RP1: variants seen among roughly 807,000 people sequenced by gnomAD.
The protein encoded by RP1 is RP1 axonemal microtubule associated.
RP1 carries 16 observed loss-of-function variants against 14.8 expected under a neutral mutation model. That is an observed-to-expected ratio of 1.08 (90% confidence interval 0.73 to 1.65). The LOEUF is 1.65. Among genes scored for constraint, RP1 ranks in the 40% most tolerant of loss-of-function variants. RP1 has a pLI of 0.00. For synonymous variants in RP1, 876 were observed against 883.6 expected, an observed-to-expected ratio of 0.99 and a Z score of 0.15; for missense variants, 2,631 against 2,535.0, an observed-to-expected ratio of 1.04 and a Z score of -0.81.
intron 23 of RP1, among the ~76,000 whole-genome samples, chr8:54,778,381 G>T (rs1414412931): frequency 6.8e-6 from 1 of 146,008 alleles, no homozygotes; most frequent in Non-Finnish European, 1.5e-5. Context: ...CTGGAGTGCA[G>T]TGACATGATC....
chr8:54,748,806 G>A (rs562006697), intron 19 of RP1, among the ~76,000 whole-genome samples: 20 of 152,250 alleles, frequency 1.3e-4, no homozygotes, highest in Admixed American at 1.3e-3. Context: ...TTCAGAAAAA[G>A]CTTTGTGTAT....
intron 15 of RP1, among the ~76,000 whole-genome samples, chr8:54,719,110 C>A (rs566287890): frequency 3.3e-5 from 5 of 152,262 alleles, no homozygotes; most frequent in African/African-American, 1.2e-4. Flanking sequence ...CTGTATTGTT[C>A]AGCATCATTA....
downstream of RP1, among the ~76,000 whole-genome samples, chr8:54,773,806 C>G (rs1809969448): frequency 6.6e-6 from 1 of 152,148 alleles, no homozygotes. Context: ...CCTACATGCA[C>G]TCAGGGATTT....
chr8:54,837,508 G>C (rs1811688466), exon 25 of RP1: 1 of 1,231,796 alleles, frequency 8.1e-7, no homozygotes, highest in African/African-American at 1.6e-5. Context: ...GACAACACTG[G>C]AAAGAATCCC....
chr8:54,589,102 C>G (rs1465047597), intron 1 of RP1, among the ~76,000 whole-genome samples: 2 of 152,120 alleles, frequency 1.3e-5, no homozygotes, highest in Admixed American at 1.3e-4. Flanking sequence ...GGATCAGACT[C>G]CAGGGACTGG....
At chr8:54,852,455 T>C in intron 25 of RP1, 1 of 640,052 alleles carries the variant, frequency 1.6e-6, no homozygotes. Flanking sequence ...GAAAAAGAGT[T>C]GGGGCCAAGT....
chr8:54,703,530 A>G (rs1010491372), intron 14 of RP1, among the ~76,000 whole-genome samples: 1 of 152,128 alleles, frequency 6.6e-6, no homozygotes, highest in Admixed American at 6.6e-5. Context: ...GGTAGAGTAG[A>G]TTTAGTATAA....
chr8:54,812,515 A>T (rs910781330), intron 24 of RP1, among the ~76,000 whole-genome samples: 1 of 152,188 alleles, frequency 6.6e-6, no homozygotes, highest in Non-Finnish European at 1.5e-5. Context: ...TAATATATAG[A>T]CTCAGTTCAG....
chr8:54,781,474 A>G (rs1039199580), intron 23 of RP1, among the ~76,000 whole-genome samples: 7 of 152,216 alleles, frequency 4.6e-5, no homozygotes, highest in Non-Finnish European at 1.0e-4. Flanking sequence ...TTTTTTGGCG[A>G]AAAAAGTTTT....
At chr8:54,800,914 G>A (rs1430555275) in intron 24 of RP1, among the ~76,000 whole-genome samples, 1 of 152,148 alleles carries the variant, frequency 6.6e-6, no homozygotes, top group African/African-American at 2.4e-5. Flanking sequence ...AGCCTTGTAG[G>A]TTTTGTTGTT....
At chr8:54,780,749 T>C (rs1334168965) in intron 23 of RP1, among the ~76,000 whole-genome samples, 1 of 152,154 alleles carries the variant, frequency 6.6e-6, no homozygotes, top group African/African-American at 2.4e-5. Flanking sequence ...TACTACACCA[T>C]TGTATATCAG....
chr8:54,607,697 T>C (rs1325256845), intron 1 of RP1, among the ~76,000 whole-genome samples: 1 of 152,192 alleles, frequency 6.6e-6, no homozygotes, highest in Non-Finnish European at 1.5e-5. Flanking sequence ...TTCACCCAGT[T>C]TGAGGTTCCT....
exon 19 of RP1, chr8:54,738,985 G>A: frequency 5.9e-6 from 9 of 1,530,160 alleles, no homozygotes; most frequent in Non-Finnish European, 7.9e-6. Flanking sequence ...GATAAGGATA[G>A]GACATGATGG....
chr8:54,656,031 A>G (rs967434585), intron 5 of RP1: 1 of 1,336,138 alleles, frequency 7.5e-7, no homozygotes, highest in African/African-American at 1.5e-5. Flanking sequence ...CTTATTTGAC[A>G]CTTTGATAAA....
chr8:54,806,512 C>T (rs1810856527), intron 24 of RP1, among the ~76,000 whole-genome samples: 1 of 152,164 alleles, frequency 6.6e-6, no homozygotes, highest in South Asian at 2.1e-4. Flanking sequence ...GTGGCACTAG[C>T]TTTACATTTG....
At chr8:54,693,327 G>T (rs1046472621) in intron 12 of RP1, among the ~76,000 whole-genome samples, 2 of 151,928 alleles carry the variant, frequency 1.3e-5, no homozygotes, top group African/African-American at 2.4e-5. Context: ...ATATGAACTT[G>T]AAAGTAGTTT....
At chr8:54,655,747 G>C (rs920718741) in intron 5 of RP1, among the ~76,000 whole-genome samples, 10 of 152,190 alleles carry the variant, frequency 6.6e-5, no homozygotes, top group Non-Finnish European at 1.5e-4. Context: ...TCTGGGTGCA[G>C]TGGCACGTGT....
At chr8:54,797,029 T>C (rs1197809234) in intron 24 of RP1, among the ~76,000 whole-genome samples, 1 of 152,064 alleles carries the variant, frequency 6.6e-6, no homozygotes, top group East Asian at 1.9e-4. Context: ...ATCATTACGT[T>C]TGTGAGAGGG....
chr8:54,765,186 A>C (rs990671523), intron 22 of RP1, among the ~76,000 whole-genome samples: 2 of 152,244 alleles, frequency 1.3e-5, no homozygotes, highest in African/African-American at 4.8e-5. Context: ...TTATTCACAA[A>C]GCATTGTCCT....
Sources: gnomAD v4.1 joint callset for allele counts (sites outside exome capture counted in the v4.1 genomes callset) on GRCh38, gnomAD v4.1.1 for gene constraint, MANE v1.5 for transcripts, NCBI Gene and HGNC (gene_info 2026-07-23, HGNC 2026-07-21) for gene names.